The following XPO7 variants were observed in gnomAD, a reference collection of about 807,000 sequenced individuals.
XPO7 encodes exportin-7.
In XPO7, 21 loss-of-function variants were observed where a neutral mutation model predicts 144.3. That is an observed-to-expected ratio of 0.15 (90% confidence interval 0.10 to 0.21). XPO7 has a LOEUF of 0.21. Among genes scored for constraint, XPO7 ranks in the 10% least tolerant of loss-of-function variants. The pLI is 1.00. For synonymous variants in XPO7, 580 were observed against 499.6 expected (o/e 1.16, Z -2.15); for missense variants, 808 against 1,325.8 (o/e 0.61, Z 6.06).
At chr8:21,966,715 T>A (rs1459245887) in intron 1 of XPO7, 142 bp from the exon 2 acceptor site, 2 of 1,182,042 alleles carry the variant, frequency 1.7e-6, no homozygotes, top group Non-Finnish European at 2.3e-6. Context: ...GGTTATTAGG[T>A]GAATGTTACC....
intron 1 of XPO7, among the ~76,000 whole-genome samples, chr8:21,954,870 T>C (rs1811486979): frequency 6.6e-6 from 1 of 152,222 alleles, no homozygotes. Context: ...TGCTGTATGG[T>C]AAACATCACT....
chr8:21,969,930 T>G, intron 3 of XPO7: 1 of 596,738 alleles, frequency 1.7e-6, no homozygotes. Flanking sequence ...TGCAAATTCT[T>G]CATGAGACAA....
At chr8:22,000,643 C>T (rs1203048347) in intron 24 of XPO7, among the ~76,000 whole-genome samples, 9 of 151,980 alleles carry the variant, frequency 5.9e-5, no homozygotes, top group East Asian at 1.9e-4. Context: ...TTAGTAGAGA[C>T]GGAGTTTCAC....
chr8:21,938,755 T>C, intron 1 of XPO7, among the ~76,000 whole-genome samples: 1 of 151,914 alleles, frequency 6.6e-6, no homozygotes, highest in Non-Finnish European at 1.5e-5. Context: ...TTTTTAACAG[T>C]CATAAGAATG....
chr8:21,983,511 A>G (rs1812471785), intron 11 of XPO7, among the ~76,000 whole-genome samples: 1 of 152,198 alleles, frequency 6.6e-6, no homozygotes, highest in South Asian at 2.1e-4. Flanking sequence ...TTGAATAGTC[A>G]TGAGTTATAG....
chr8:21,957,899 A>G (rs1358107597), intron 1 of XPO7, among the ~76,000 whole-genome samples: 5 of 151,652 alleles, frequency 3.3e-5, no homozygotes, highest in Admixed American at 2.0e-4. Context: ...TCCCACTGCC[A>G]TGTTTCTTGC....
At chr8:21,987,693 C>T in intron 14 of XPO7, 91 bp from the exon 15 acceptor site, 1 of 1,400,968 alleles carries the variant, frequency 7.1e-7, no homozygotes, top group African/African-American at 1.4e-5. Flanking sequence ...CATTTTCTTC[C>T]ACATCTTACC....
Position 22,005,619 on chromosome 8 carries a change from T to A in XPO7, c.*531T>A, listed in dbSNP as rs1813303510. 1 of 152,276 alleles carries A rather than the reference T, an allele frequency of 6.6e-6. No homozygotes were observed. The allele number at this position is 152,276 out of a possible 1,614,324, so 9.4% of individuals were successfully genotyped here. On this transcript the variant is annotated 3_prime_UTR_variant, in exon 28 of 28. Transcript: ENST00000252512. ...TGTGAGAGTGCAGAGATATATTTAG[T>A]GACACAGTAGAGAGGCAAAAAAAAA...
chr8:21,971,035 T>TA lies in XPO7; in HGVS notation c.426+735dup, dbSNP rs202202660. On this transcript the variant is annotated intron_variant, in intron 4 of 27. Transcript: ENST00000252512. ...AGCGCCCTATACAGGTGTAGCTTTT[T>TA]AAAAAAAAAATCTTTTATGCTGAAT... Among the ~76,000 whole-genome samples the TA allele has an allele frequency of 3.9e-3, 588 of 151,052 alleles. 2 individuals carry two copies. Among genetic ancestry groups the TA allele is most frequent in the African/African-American group, 0.013 (547 of 41,232 alleles).
At chr8:21,979,731 G>C (rs1812342437) in intron 8 of XPO7, among the ~76,000 whole-genome samples, 1 of 152,180 alleles carries the variant, frequency 6.6e-6, no homozygotes, top group African/African-American at 2.4e-5. Context: ...TTTATAGCAT[G>C]TAATGACATA....
chr8:21,986,526 G>T (rs1415374343), intron 13 of XPO7, among the ~76,000 whole-genome samples: 1 of 151,970 alleles, frequency 6.6e-6, no homozygotes, highest in Non-Finnish European at 1.5e-5. Context: ...ATGCCCATTT[G>T]CCCAGAGGTC....
chr8:21,924,844 A>T (rs1425331775), intron 1 of XPO7, among the ~76,000 whole-genome samples: 1 of 152,256 alleles, frequency 6.6e-6, no homozygotes, highest in Non-Finnish European at 1.5e-5. Flanking sequence ...GTTACATGCA[A>T]GCTGAATTTT....
At chr8:21,977,015 C>T (rs1429091807) in intron 7 of XPO7, among the ~76,000 whole-genome samples, 1 of 152,172 alleles carries the variant, frequency 6.6e-6, no homozygotes, top group Non-Finnish European at 1.5e-5. Flanking sequence ...ATAGATCCCC[C>T]AGTGTCAAAG....
At chr8:21,950,630 T>C (rs2117288685) in intron 1 of XPO7, among the ~76,000 whole-genome samples, 1 of 152,316 alleles carries the variant, frequency 6.6e-6, no homozygotes, top group South Asian at 2.1e-4. Context: ...CAAATTGATG[T>C]ATCTTGCAAC....
intron 1 of XPO7, among the ~76,000 whole-genome samples, chr8:21,920,181 C>T (rs985635781): frequency 1.3e-5 from 2 of 151,466 alleles, no homozygotes; most frequent in African/African-American, 4.9e-5. Flanking sequence ...GGGGACGCCC[C>T]CATGACGCCC....
chr8:22,004,248 T>G (rs770698446), intron 27 of XPO7, among the ~76,000 whole-genome samples: 15 of 152,220 alleles, frequency 9.9e-5, no homozygotes, highest in Non-Finnish European at 1.6e-4. Flanking sequence ...CAGTGTGTAA[T>G]CAGTATTTTA....
Position 21,950,956 on chromosome 8 carries a change from T to A in XPO7, c.19-15901T>A, listed in dbSNP as rs767773457. Among the ~76,000 whole-genome samples, 8 of 150,828 alleles carry A rather than the reference T, an allele frequency of 5.3e-5. No individual in the cohort carries two copies. In the South Asian group the frequency reaches 6.3e-4, roughly 12 times the overall value. On this transcript the variant is annotated intron_variant, in intron 1 of 27. Coordinates refer to ENST00000252512, the MANE Select transcript of XPO7 (RefSeq NM_015024.5). ...GGCCAACATAACAAAACCTCGACTC[T>A]ACAAAAAATACAAAAAAAAAAATTA...
chr8:21,967,163 C>G (rs987583495), intron 2 of XPO7, among the ~76,000 whole-genome samples, 160 bp downstream of exon 2: 4 of 152,272 alleles, frequency 2.6e-5, no homozygotes, highest in Middle Eastern at 3.4e-3. Flanking sequence ...ACCAGGTTGG[C>G]AAAACAGCCA....
chr8:21,941,342 G>A (rs190099226), intron 1 of XPO7, among the ~76,000 whole-genome samples: 1 of 151,988 alleles, frequency 6.6e-6, no homozygotes, highest in Admixed American at 6.6e-5. Context: ...TTTAGAGATG[G>A]GGTCTGGCCC....
Sources: gnomAD v4.1 joint callset for allele counts (sites outside exome capture counted in the v4.1 genomes callset) on GRCh38, gnomAD v4.1.1 for gene constraint, MANE v1.5 for transcripts, NCBI Gene and HGNC (gene_info 2026-07-23, HGNC 2026-07-21) for gene names.